FGD4: variants seen among roughly 807,000 people sequenced by gnomAD.
The protein encoded by FGD4 is FYVE, RhoGEF and PH domain containing 4.
FGD4 carries 42 observed loss-of-function variants against 102.0 expected under a neutral mutation model. The observed-to-expected ratio is 0.41, with a 90% CI of 0.32 to 0.53. The LOEUF is 0.53. Ranked by LOEUF, FGD4 falls within the 20% of genes least tolerant of loss-of-function variation. FGD4 has a pLI of 0.21. For missense variants in FGD4, 902 were observed against 1,078.2 expected (o/e 0.84, Z 2.29); for synonymous variants, 380 against 375.7 (o/e 1.01, Z -0.13).
intron 1 of FGD4, among the ~76,000 whole-genome samples, chr12:32,464,616 G>T (rs997589042): frequency 8.5e-5 from 13 of 152,270 alleles, no homozygotes; most frequent in Admixed American, 3.9e-4. Flanking sequence ...TTTATTGAGA[G>T]CTTCTATGTA....
chr12:32,416,167 T>C (rs1279755976), intron 1 of FGD4, among the ~76,000 whole-genome samples: 1 of 152,152 alleles, frequency 6.6e-6, no homozygotes, highest in Admixed American at 6.5e-5. Context: ...GCCCAGCTAA[T>C]TTTTGTATTT....
At chr12:32,551,660 G>C (rs779441240) in intron 1 of FGD4, among the ~76,000 whole-genome samples, 3 of 152,122 alleles carry the variant, frequency 2.0e-5, no homozygotes, top group African/African-American at 7.2e-5. Flanking sequence ...CCAAACAGCC[G>C]AATGTCATGC....
chr12:32,506,830 A>C lies in FGD4; in HGVS notation c.167-57307A>C, dbSNP rs1938800013. Among the ~76,000 whole-genome samples the C allele has an allele frequency of 6.6e-6, 1 of 152,214 alleles. No homozygotes were observed. Among genetic ancestry groups the C allele is most frequent in the Non-Finnish European group, 1.5e-5 (1 of 68,038 alleles). ...GGGAAGAGACAGAATACAAAAGTAA[A>C]GAGATAAGTAAACAACATAATTTCA... On this transcript the variant is annotated intron_variant, in intron 1 of 16. Coordinates refer to ENST00000534526, the MANE Select transcript of FGD4 (RefSeq NM_001370298.3). The surrounding 1 kb of genome is among the most constrained non-coding windows in gnomAD (Gnocchi z 4.5).
At chr12:32,442,357 C>T (rs1942470074) in intron 1 of FGD4, among the ~76,000 whole-genome samples, 1 of 152,020 alleles carries the variant, frequency 6.6e-6, no homozygotes, top group African/African-American at 2.4e-5. Context: ...CCGGCCAGGA[C>T]TGTTTTTTCT....
rs1286329236 is a variant in FGD4 at position 32,645,292 on chromosome 12, A to C, written c.*4759A>C. 2.0e-5 allele frequency: 3 copies of C among 151,122 alleles called. No individual in the cohort carries two copies. The highest frequency in any genetic ancestry group is 4.4e-5 in the Non-Finnish European group (3 of 67,770). 9.4% of individuals were successfully genotyped at this position (151,122 alleles called of 1,614,324 possible). ...ACAGTCATGTCTGTCTGTATATAAG[A>C]CTTTTTTTTTTTTAACCAAACTAGC... is the stretch of plus-strand genomic sequence containing the variant. On this transcript the variant is annotated 3_prime_UTR_variant, in exon 17 of 17. Transcript: ENST00000534526.
chr12:32,492,258 A>G lies in FGD4; in HGVS notation c.167-71879A>G, dbSNP rs1057366344. Reference sequence around the variant, plus strand: ...AGGTTCATAAACAGTGCCAACCTCTATGAAATAAAAGTTAATTAAGTGGCT... The same window carrying G: ...AGGTTCATAAACAGTGCCAACCTCTGTGAAATAAAAGTTAATTAAGTGGCT... On this transcript the variant is annotated intron_variant, in intron 1 of 16. Transcript: ENST00000534526. Among the ~76,000 whole-genome samples, 34 of 152,240 alleles carry G rather than the reference A, an allele frequency of 2.2e-4. 1 individual carries two copies. Among genetic ancestry groups the G allele is most frequent in the Non-Finnish European group, 4.7e-4 (32 of 68,040 alleles).
At chr12:32,498,187 G>C (rs2136606765) in intron 1 of FGD4, among the ~76,000 whole-genome samples, 1 of 152,266 alleles carries the variant, frequency 6.6e-6, no homozygotes, top group South Asian at 2.1e-4. Flanking sequence ...AGGCGCTTTG[G>C]GTATCACTGC....
rs79410221 is a variant in FGD4 at position 32,527,886 on chromosome 12, C to T, written c.167-36251C>T. On this transcript the variant is annotated intron_variant, in intron 1 of 16. Coordinates refer to ENST00000534526, the MANE Select transcript of FGD4 (RefSeq NM_001370298.3). ...TTTAGATTAGTATAATGTTTTTATT[C>T]TCTAGTATTATATATTTTTTGGTGG... Among the ~76,000 whole-genome samples, 57 of 152,196 alleles carry T rather than the reference C, an allele frequency of 3.7e-4. 1 individual carries two copies. In the East Asian group the frequency reaches 9.3e-3, roughly 25 times the overall value.
At chr12:32,615,493 A>G (rs1332974160) in intron 10 of FGD4, among the ~76,000 whole-genome samples, 5 of 152,200 alleles carry the variant, frequency 3.3e-5, no homozygotes, top group Admixed American at 2.6e-4. Flanking sequence ...CAGATTAACT[A>G]TAAAAGTTCT....
intron 1 of FGD4, among the ~76,000 whole-genome samples, chr12:32,500,789 G>C (rs1315942137): frequency 6.6e-6 from 1 of 152,138 alleles, no homozygotes; most frequent in Non-Finnish European, 1.5e-5. Context: ...ATTAATATTT[G>C]CATCACCATT....
At chr12:32,631,695 G>A (rs1267361451) in intron 14 of FGD4, among the ~76,000 whole-genome samples, 1 of 151,760 alleles carries the variant, frequency 6.6e-6, no homozygotes, top group Non-Finnish European at 1.5e-5. Flanking sequence ...TAGTAGAGAC[G>A]GGGTTTCACC....
At chr12:32,530,946 T>TTTTTTTTTG (rs1941740029) in intron 1 of FGD4, among the ~76,000 whole-genome samples, 9 of 121,584 alleles carry the variant, frequency 7.4e-5, no homozygotes, top group Admixed American at 7.4e-4. Context: ...CTTTGGTTTT[T>TTTTTTTTTG]TTTTTTTTTT....
intron 1 of FGD4, among the ~76,000 whole-genome samples, chr12:32,442,845 A>G (rs1942491169): frequency 6.6e-6 from 1 of 152,176 alleles, no homozygotes; most frequent in South Asian, 2.1e-4. Context: ...GGCATGAGCC[A>G]CTGTGTCCAG....
chr12:32,633,686 A>G lies in FGD4; in HGVS notation c.2310A>G (p.Leu770=). 1 of 1,590,472 alleles carries G rather than the reference A, an allele frequency of 6.3e-7. No individual in the cohort carries two copies. The highest frequency in any genetic ancestry group is 8.6e-7 in the Non-Finnish European group (1 of 1,159,422). The part of the protein sequence containing the change: ...DSEEKKRKGI[L]EIESAEVSGN... ...AAGAAAAGAAAAGAAAAGGAATTTTAGAGGTAAGAAATATTAAATATTGGA... is the reference window on the plus strand; with the variant it reads ...AAGAAAAGAAAAGAAAAGGAATTTTGGAGGTAAGAAATATTAAATATTGGA... Residue 770 remains leucine (L), a synonymous_variant, in exon 15 of 17, where the codon TTA becomes TTG. Transcript: ENST00000534526.
chr12:32,538,464 T>C (rs1942500925), intron 1 of FGD4, among the ~76,000 whole-genome samples: 1 of 152,202 alleles, frequency 6.6e-6, no homozygotes, highest in Non-Finnish European at 1.5e-5. Flanking sequence ...ATAAATATCC[T>C]TGCTTGCTAA....
rs1383731906 is a variant in FGD4, at chr12:32,600,401, CCT to C, written c.1102-873_1102-872del. Reference sequence around the variant, plus strand: ...AGGACATAATTTTTTGTTCTTTTTGCCTCTCAAGAAAATAGAGTGGAGGTGAA... The same window carrying C: ...AGGACATAATTTTTTGTTCTTTTTGCCTCAAGAAAATAGAGTGGAGGTGAA... On this transcript the variant is annotated intron_variant, in intron 5 of 16. Coordinates refer to ENST00000534526, the MANE Select transcript of FGD4 (RefSeq NM_001370298.3). 2.4e-5 allele frequency: 31 copies of C among 1,266,846 alleles called. 1 individual carries two copies. The Admixed American group carries it at 7.2e-4, about 29-fold the overall frequency. The allele number at this position is 1,266,846 out of a possible 1,614,324, so 78.5% of individuals were successfully genotyped here. A position where few individuals can be genotyped will look rare whatever the true frequency, so the allele number is the denominator to read the frequency against.
intron 1 of FGD4, among the ~76,000 whole-genome samples, chr12:32,467,059 T>C (rs1202964903): frequency 6.6e-6 from 1 of 152,014 alleles, no homozygotes; most frequent in Non-Finnish European, 1.5e-5. Flanking sequence ...TAAGTAAAAA[T>C]TCTAAAACCT....
At chr12:32,500,957 G>A (rs2136618528) in intron 1 of FGD4, among the ~76,000 whole-genome samples, 1 of 152,340 alleles carries the variant, frequency 6.6e-6, no homozygotes, top group South Asian at 2.1e-4. Flanking sequence ...GTCTTGAGGT[G>A]CTCACAGTCT....
In FGD4 at chr12:32,610,821, C is replaced by A; in HGVS notation, c.1589C>A (p.Ala530Glu). Residue 530 changes from alanine (A) to glutamate (E), a missense_variant, in exon 9 of 17, where the codon GCA becomes GAA. By Grantham distance (107) the Ala-to-Glu change is moderately radical. Coordinates refer to ENST00000534526, the MANE Select transcript of FGD4 (RefSeq NM_001370298.3). ...ISTAASHSNS[A>E]IRKMENLKKL... ...ACAGCAGCAAGCCATTCTAATAGTG[C>A]AATAAGGAAAATGGTAAGTGGTTTT... The A allele has an allele frequency of 1.9e-6, 3 of 1,613,528 alleles. No homozygotes were observed. The highest frequency in any genetic ancestry group is 2.5e-6 in the Non-Finnish European group (3 of 1,179,808).
Sources: gnomAD v4.1 joint callset for allele counts (sites outside exome capture counted in the v4.1 genomes callset) on GRCh38, gnomAD v4.1.1 for gene constraint, Gnocchi (gnomAD v3.1) non-coding constraint, MANE v1.5 for transcripts, NCBI Gene and HGNC (gene_info 2026-07-23, HGNC 2026-07-21) for gene names.